The following TMLHE variants were observed in gnomAD, a reference collection of about 807,000 sequenced individuals.
TMLHE encodes the protein trimethyllysine dioxygenase, mitochondrial.
In TMLHE, 18 loss-of-function variants were observed where a neutral mutation model predicts 25.7. The observed-to-expected ratio is 0.70, with a 90% confidence interval of 0.48 to 1.04. The LOEUF is 1.04. TMLHE is among the 50% of genes least tolerant of loss of function. The probability of loss-of-function intolerance (pLI) is 0.00; values close to 1 mark genes in which losing one functional copy is unlikely to be tolerated. For missense variants in TMLHE, 236 were observed against 259.0 expected (o/e 0.91, Z 0.61); for synonymous variants, 105 against 97.0 (o/e 1.08, Z -0.49).
chrX:155,547,006 A>G (rs2067349772), intron 1 of TMLHE, among the ~76,000 whole-genome samples: 1 of 111,635 alleles, frequency 9.0e-6, no homozygotes, highest in South Asian at 3.8e-4. Context: ...TCTTCAAAGA[A>G]AAAAAATTTC....
At chrX:155,505,433 A>C (rs1279389982) in intron 6 of TMLHE, among the ~76,000 whole-genome samples, 1 of 111,624 alleles carries the variant, frequency 9.0e-6, no homozygotes, top group Admixed American at 9.5e-5. Context: ...GGTAAAGGTA[A>C]GGATAACAAT....
At chrX:155,603,983 G>A (rs2067772565) in intron 1 of TMLHE, among the ~76,000 whole-genome samples, 1 of 112,039 alleles carries the variant, frequency 8.9e-6, no homozygotes, top group South Asian at 3.8e-4. Flanking sequence ...TGTCCTTGCT[G>A]CCCTAAGACT....
chrX:155,537,213 G>T (rs1490749491), intron 2 of TMLHE, among the ~76,000 whole-genome samples: 1 of 112,004 alleles, frequency 8.9e-6, no homozygotes, highest in Non-Finnish European at 1.9e-5. Context: ...CATCAGGAGA[G>T]CAAGACAAGG....
At chrX:155,548,386 C>T (rs2067370441) in intron 1 of TMLHE, among the ~76,000 whole-genome samples, 2 of 112,058 alleles carry the variant, frequency 1.8e-5, no homozygotes, top group Non-Finnish European at 3.8e-5. Context: ...TGCAAACTGG[C>T]AGCAGGTATC....
At chrX:155,507,374 G>T (rs1557332848) in intron 5 of TMLHE, among the ~76,000 whole-genome samples, 1 of 109,063 alleles carries the variant, frequency 9.2e-6, no homozygotes, top group East Asian at 2.8e-4. Flanking sequence ...GCTTATATGT[G>T]CTGGGCCCTG....
chrX:155,548,597 T>C (rs1250987227), intron 1 of TMLHE, among the ~76,000 whole-genome samples: 1 of 108,607 alleles, frequency 9.2e-6, no homozygotes, highest in Non-Finnish European at 1.9e-5. Flanking sequence ...TAGCCGGGTG[T>C]GGTGGCACAC....
intron 1 of TMLHE, among the ~76,000 whole-genome samples, chrX:155,548,542 T>TAAGTTTGA (rs1569562096): frequency 1.8e-5 from 2 of 108,882 alleles, no homozygotes; most frequent in Non-Finnish European, 3.8e-5. Context: ...GAGGCCAGCC[T>TAAGTTTGA]GACTAACATG....
chrX:155,568,770 G>A (rs1303235945), intron 1 of TMLHE, among the ~76,000 whole-genome samples: 824 of 61,569 alleles, frequency 0.013, 94 homozygotes, highest in African/African-American at 0.028. Flanking sequence ...CTGCAGCTGA[G>A]GGTCCTGTCT....
chrX:155,594,584 G>A (rs920047993), intron 1 of TMLHE, among the ~76,000 whole-genome samples: 2 of 111,675 alleles, frequency 1.8e-5, no homozygotes, highest in African/African-American at 6.5e-5. Context: ...ATATAGAATA[G>A]GAGTATAATG....
Position 155,514,012 on chromosome X carries a change from C to G in TMLHE, c.612G>C (p.Lys204Asn), listed in dbSNP as rs2067135311. 15 of 1,207,979 alleles carry G rather than the reference C, an allele frequency of 1.2e-5. No homozygotes were observed. In the African/African-American group the frequency reaches 2.6e-4, roughly 21 times the overall value. ...TGATTAAGCTGATCCTTTCTGCCAA[C>G]TTCTCTGTGTGCTCTTGAGTGGGAG... ...NVPPTQEHTEKLAERISLIRE... is the reference protein window; with the variant it reads ...NVPPTQEHTENLAERISLIRE... Residue 204 changes from lysine to asparagine, a missense_variant, in exon 4 of 8, where the codon AAG (lysine) becomes AAC (asparagine). This residue lies in a region of TMLHE where 217 missense variants were observed against 214.6 expected (regional missense o/e 1.01). Transcript: ENST00000334398.
chrX:155,544,967 G>A (rs781948023), intron 2 of TMLHE, 129 bp downstream of exon 2: 2 of 659,004 alleles, frequency 3.0e-6, no homozygotes, highest in Non-Finnish European at 2.3e-6. Flanking sequence ...AAATGGTTAA[G>A]ATAGTAAATT....
chrX:155,605,849 C>T (rs1307893799), intron 1 of TMLHE, among the ~76,000 whole-genome samples: 1 of 111,319 alleles, frequency 9.0e-6, no homozygotes, highest in African/African-American at 3.3e-5. Flanking sequence ...TTCAAGAGTC[C>T]CATCTCACAT....
chrX:155,547,238 G>A (rs371060480), intron 1 of TMLHE, among the ~76,000 whole-genome samples: 15 of 90,807 alleles, frequency 1.7e-4, no homozygotes, highest in Non-Finnish European at 1.8e-4. Flanking sequence ...TCCGCCTCCC[G>A]GGTTCACGCC....
At chrX:155,515,269 T>C (rs1250858584) in intron 3 of TMLHE, among the ~76,000 whole-genome samples, 1 of 110,680 alleles carries the variant, frequency 9.0e-6, no homozygotes, top group Admixed American at 9.7e-5. Flanking sequence ...TCACTTAACA[T>C]TTTAACAATT....
chrX:155,538,247 A>T (rs1424178506), intron 2 of TMLHE, among the ~76,000 whole-genome samples: 1 of 111,449 alleles, frequency 9.0e-6, no homozygotes, highest in East Asian at 2.8e-4. Flanking sequence ...TGCCTGGCTT[A>T]TTTCCTTTAA....
Position 155,545,199 on chromosome X carries a change from A to G in TMLHE, c.78T>C (p.Leu26=). ...LLKGGVIYPA[L]PQPNFKSLLP... is the part of the protein sequence containing the mutation. The stretch of plus-strand genomic sequence containing the variant: ...GTAAGCTTTTGAAGTTGGGCTGTGG[A>G]AGGGCCGGATATATGACTCCTCCCT... Residue 26 remains leucine, a synonymous_variant, in exon 2 of 8, where the codon CTT becomes CTC. Coordinates refer to ENST00000334398, the MANE Select transcript of TMLHE (RefSeq NM_018196.4). 1 of 1,210,431 alleles carries G rather than the reference A, an allele frequency of 8.3e-7. No homozygotes were observed. Among genetic ancestry groups the G allele is most frequent in the Non-Finnish European group, 1.1e-6 (1 of 894,635 alleles).
intron 1 of TMLHE, among the ~76,000 whole-genome samples, chrX:155,548,206 C>G (rs1440616172): frequency 8.9e-6 from 1 of 111,959 alleles, no homozygotes; most frequent in African/African-American, 3.2e-5. Context: ...TGGAGTAAGA[C>G]TTCAAAAGCA....
At chrX:155,557,222 A>G (rs1227656592) in intron 1 of TMLHE, among the ~76,000 whole-genome samples, 4 of 112,342 alleles carry the variant, frequency 3.6e-5, no homozygotes, top group African/African-American at 1.3e-4. Flanking sequence ...TGGGGAAGTG[A>G]TAAGTGTCCA....
chrX:155,582,777 A>G (rs1440447754), intron 1 of TMLHE, among the ~76,000 whole-genome samples: 2 of 112,230 alleles, frequency 1.8e-5, no homozygotes, highest in African/African-American at 6.5e-5. Context: ...TTCCTCAAGG[A>G]TCTAGAACTA....
Sources: gnomAD v4.1 joint callset for allele counts (sites outside exome capture counted in the v4.1 genomes callset) on GRCh38, gnomAD v4.1.1 for gene constraint, gnomAD v4.1.1 regional missense constraint, MANE v1.5 for transcripts, NCBI Gene and HGNC (gene_info 2026-07-23, HGNC 2026-07-21) for gene names.